The following ALX4 variants were observed in gnomAD, a reference collection of about 807,000 sequenced individuals.
ALX4 encodes homeobox protein aristaless-like 4.
In ALX4, 22 loss-of-function variants were observed where a neutral mutation model predicts 40.6. The ratio of observed to expected loss-of-function variants is 0.54; its 90% CI spans 0.39 to 0.77. The LOEUF (loss-of-function observed/expected upper bound fraction) is 0.77, where lower values mean the gene tolerates loss of function less well. ALX4 is among the 30% of genes least tolerant of loss of function. The pLI is 0.00. For missense variants in ALX4, 556 were observed against 564.8 expected (o/e 0.98, Z 0.16); for synonymous variants, 266 against 240.5 (o/e 1.11, Z -0.98).
chr11:44,266,183 C>G (rs1006327550), intron 3 of ALX4, among the ~76,000 whole-genome samples: 4 of 152,112 alleles, frequency 2.6e-5, no homozygotes, highest in African/African-American at 9.7e-5. Context: ...TCCATCACCC[C>G]CTCTCAGAAG....
chr11:44,292,504 C>T (rs1026199527), intron 1 of ALX4, among the ~76,000 whole-genome samples: 3 of 151,650 alleles, frequency 2.0e-5, no homozygotes, highest in African/African-American at 7.3e-5. Flanking sequence ...CAGGCATGAG[C>T]CACCATGCCC....
intron 1 of ALX4, among the ~76,000 whole-genome samples, chr11:44,285,813 C>G (rs1956335134): frequency 6.6e-6 from 1 of 152,148 alleles, no homozygotes; most frequent in South Asian, 2.1e-4. Context: ...TCCCTTGCCT[C>G]TTAAACACTG....
rs1321377806 is a variant in ALX4, at chr11:44,262,114, G to A, written c.*2740C>T. 6.6e-6 allele frequency: 1 copy of A among 152,426 alleles called. No individual in the cohort carries two copies. The highest frequency in any genetic ancestry group is 1.5e-5 in the Non-Finnish European group (1 of 68,226). The allele number at this position is 152,426 out of a possible 1,614,324, so 9.4% of individuals were successfully genotyped here. ...CGCCCCTGGTGCCAACGAAGCCCAG[G>A]CCCTCACACCCTGGGTGGCACGTCC... On this transcript the variant is annotated 3_prime_UTR_variant, in exon 4 of 4. Transcript: ENST00000652299.
intron 2 of ALX4, among the ~76,000 whole-genome samples, chr11:44,272,201 G>A (rs1482688668): frequency 6.6e-6 from 1 of 152,198 alleles, no homozygotes; most frequent in Non-Finnish European, 1.5e-5. Context: ...ATTAGGCACT[G>A]GAGGGGAATA....
intron 1 of ALX4, among the ~76,000 whole-genome samples, chr11:44,297,579 G>A (rs1298034484): frequency 2.0e-5 from 3 of 152,100 alleles, no homozygotes; most frequent in East Asian, 1.9e-4. Flanking sequence ...TTAACTGGGC[G>A]TGGTGACGAG....
intron 2 of ALX4, among the ~76,000 whole-genome samples, chr11:44,269,886 G>T (rs971099481): frequency 1.3e-5 from 2 of 152,208 alleles, no homozygotes; most frequent in African/African-American, 4.8e-5. Flanking sequence ...CAGCCTCCCA[G>T]GGTTTTCTGT....
At chr11:44,308,898 C>G (rs1056675033) in intron 1 of ALX4, among the ~76,000 whole-genome samples, 4 of 152,260 alleles carry the variant, frequency 2.6e-5, no homozygotes, top group Admixed American at 2.0e-4. Context: ...GGGGAACTGG[C>G]CTGCCCGCAT....
At chr11:44,307,390 G>A (rs775235136) in intron 1 of ALX4, among the ~76,000 whole-genome samples, 46 of 152,340 alleles carry the variant, frequency 3.0e-4, no homozygotes, top group Admixed American at 5.9e-4. Context: ...GCTAGTGCAA[G>A]TAGAGGAAGG....
intron 2 of ALX4, 72 bp from the exon 3 acceptor site, chr11:44,267,694 A>G (rs896345681): frequency 3.7e-6 from 6 of 1,606,012 alleles, no homozygotes; most frequent in Admixed American, 3.3e-5. Flanking sequence ...CAGGCAGTGC[A>G]AACTGTTCCC....
chr11:44,265,063 C>T lies in ALX4; in HGVS notation c.1027G>A (p.Ala343Thr), dbSNP rs1464829765. 4.3e-6 allele frequency: 7 copies of T among 1,612,904 alleles called. No individual in the cohort carries two copies. The highest frequency in any genetic ancestry group is 4.0e-5 in the African/African-American group (3 of 74,924). Residue 343 changes from alanine (A) to threonine (T), a missense_variant, in exon 4 of 4, where the codon GCC (alanine) becomes ACC (threonine). By Grantham distance (58) the Ala-to-Thr change is moderately conservative. Coordinates refer to ENST00000652299, the MANE Select transcript of ALX4 (RefSeq NM_021926.4). ...CTCAGGAAGTCGGTGACGCTGCTGG[C>T]CCCAGAGCCAGGGGGGTGGGCATGA... ...SPHAHPPGSGASSVTDFLSVS... is the reference protein window; with the variant it reads ...SPHAHPPGSGTSSVTDFLSVS...
chr11:44,297,132 G>A (rs958092135), intron 1 of ALX4, among the ~76,000 whole-genome samples: 2 of 151,784 alleles, frequency 1.3e-5, no homozygotes, highest in Non-Finnish European at 2.9e-5. Context: ...TAGGTATGGA[G>A]TTTCTGTTTG....
At position 44,275,423 on chromosome 11, in the gene ALX4, C is replaced by T; in HGVS notation, c.702G>A (p.Gln234=). The part of the protein sequence containing the change: ...YQLEELEKVF[Q]KTHYPDVYAR... ...CATACACGTCTGGGTAGTGGGTCTT[C>T]TGGAAGACCTTCTCCAGCTCCTCCA... is the stretch of plus-strand genomic sequence containing the variant. The change falls in exon 2 of 4, where the codon CAG becomes CAA. Residue 234 remains glutamine (Q), a synonymous_variant. Coordinates refer to ENST00000652299, the MANE Select transcript of ALX4 (RefSeq NM_021926.4). 1 of 1,614,222 alleles carries T rather than the reference C, an allele frequency of 6.2e-7. No individual in the cohort carries two copies. The highest frequency in any genetic ancestry group is 1.3e-5 in the African/African-American group (1 of 75,056).
rs574795467 is a variant in ALX4 at position 44,299,149 on chromosome 11, C to T, written c.466+10448G>A. On this transcript the variant is annotated intron_variant, in intron 1 of 3. Coordinates refer to ENST00000652299, the MANE Select transcript of ALX4 (RefSeq NM_021926.4). ...CATGTTCCTGAAACTTCTGGAAACT[C>T]ATGCAGTCATTCCTCATACCAGCTA... 4.9e-4 allele frequency among the ~76,000 whole-genome samples: 75 copies of T among 152,230 alleles called. 1 individual carries two copies. The highest frequency in any genetic ancestry group is 1.0e-3 in the Non-Finnish European group (68 of 68,022).
At chr11:44,277,712 C>G (rs373848) in intron 1 of ALX4, among the ~76,000 whole-genome samples, 3,569 of 152,278 alleles carry the variant, frequency 0.023, 74 homozygotes, top group African/African-American at 0.049. Flanking sequence ...GGACATTTGG[C>G]CTGTGGCATT....
chr11:44,309,960 TA>T lies in ALX4; in HGVS notation c.102del (p.Phe34LeufsTer147). On this transcript the variant is annotated frameshift_variant, in exon 1 of 4. Coordinates refer to ENST00000652299, the MANE Select transcript of ALX4 (RefSeq NM_021926.4). LOFTEE classifies it high-confidence loss of function. ...VSQSREGSSPFRAFPGGDKFG... is the reference protein window; with the variant it reads ...VSQSREGSSPXRAFPGGDKFG... The stretch of plus-strand genomic sequence containing the variant: ...AACTTGTCGCCTCCGGGAAATGCCC[TA>T]AAAGGCGACGAGCCCTCCCGACTCT... The T allele has an allele frequency of 6.3e-7, 1 of 1,595,156 alleles. No homozygotes were observed. The highest frequency in any genetic ancestry group is 1.7e-5 in the Admixed American group (1 of 57,592).
chr11:44,270,563 G>T (rs888186982), intron 2 of ALX4, among the ~76,000 whole-genome samples: 8 of 152,140 alleles, frequency 5.3e-5, no homozygotes, highest in Admixed American at 5.2e-4. Context: ...ACATCTGCAG[G>T]TCCTGAGGCT....
chr11:44,261,608 C>T lies in ALX4; in HGVS notation c.*3246G>A, dbSNP rs1956182826. On this transcript the variant is annotated 3_prime_UTR_variant, in exon 4 of 4. Transcript: ENST00000652299. ...CCCCAGAGCCCTCGCTCCCATGCCC[C>T]AGGAGTAGTGCTGGCATCTGGAGGG... The T allele has an allele frequency of 6.6e-6, 1 of 152,258 alleles. No individual in the cohort carries two copies. The highest frequency in any genetic ancestry group is 6.5e-5 in the Admixed American group (1 of 15,290). 9.4% of individuals were successfully genotyped at this position (152,258 alleles called of 1,614,324 possible). A position where few individuals can be genotyped will look rare whatever the true frequency, so the allele number is the denominator to read the frequency against.
chr11:44,303,400 T>A (rs933977805), intron 1 of ALX4, among the ~76,000 whole-genome samples: 1 of 152,034 alleles, frequency 6.6e-6, no homozygotes, highest in Non-Finnish European at 1.5e-5. Flanking sequence ...AGATAGGTAC[T>A]TGGCAGCCGG....
chr11:44,275,732 T>A, intron 1 of ALX4, 74 bp from the exon 2 acceptor site: 1 of 1,471,610 alleles, frequency 6.8e-7, no homozygotes, highest in Non-Finnish European at 9.3e-7. Flanking sequence ...AGGGGGAGAG[T>A]GGGGCACTCG....
Sources: allele counts gnomAD v4.1 joint callset (sites outside exome capture counted in the v4.1 genomes callset), GRCh38; gene constraint gnomAD v4.1.1; transcripts MANE v1.5; gene names NCBI Gene and HGNC (gene_info 2026-07-23, HGNC 2026-07-21).